CPEB3: variants seen among roughly 807,000 people sequenced by gnomAD.
CPEB3 encodes cytoplasmic polyadenylation element-binding protein 3.
A neutral mutation model predicts 67.2 loss-of-function variants in CPEB3; 20 were observed. The observed-to-expected ratio is 0.30, with a 90% CI of 0.21 to 0.43. CPEB3 has a LOEUF of 0.43. CPEB3 is among the 20% of genes least tolerant of loss of function. CPEB3 has a pLI of 1.00. For synonymous variants in CPEB3, 376 were observed against 393.1 expected (o/e 0.96, Z 0.51); for missense variants, 746 against 968.6 (o/e 0.77, Z 3.05).
intron 5 of CPEB3, 49 bp downstream of exon 5, chr10:92,144,896 A>G: frequency 6.4e-7 from 1 of 1,571,838 alleles, no homozygotes; most frequent in Non-Finnish European, 8.7e-7. Flanking sequence ...GTCAGAACAC[A>G]CAAATAACAA....
chr10:92,256,990 T>C (rs1852543822), intron 1 of CPEB3, among the ~76,000 whole-genome samples: 1 of 152,228 alleles, frequency 6.6e-6, no homozygotes, highest in Non-Finnish European at 1.5e-5. Context: ...AAAGAACAGA[T>C]ACCTTTTATC....
intron 7 of CPEB3, among the ~76,000 whole-genome samples, chr10:92,099,887 C>T (rs1318887581): frequency 1.3e-5 from 2 of 151,098 alleles, no homozygotes; most frequent in Non-Finnish European, 2.9e-5. Context: ...TCTGGCCAGG[C>T]ATGGTGGCTC....
At chr10:92,075,025 C>A (rs1219698757) in intron 9 of CPEB3, among the ~76,000 whole-genome samples, 1 of 152,134 alleles carries the variant, frequency 6.6e-6, no homozygotes, top group Non-Finnish European at 1.5e-5. Flanking sequence ...CATTCAGACT[C>A]CTGAGCAAAA....
intron 9 of CPEB3, among the ~76,000 whole-genome samples, chr10:92,070,654 G>A (rs1278626216): frequency 2.0e-5 from 3 of 152,016 alleles, no homozygotes; most frequent in African/African-American, 7.3e-5. Context: ...GTGGGTGCCT[G>A]TAATCCCAGC....
At chr10:92,095,629 A>G (rs1422590835) in intron 7 of CPEB3, among the ~76,000 whole-genome samples, 1 of 141,236 alleles carries the variant, frequency 7.1e-6, no homozygotes, top group Non-Finnish European at 1.5e-5. Context: ...GTATATATAT[A>G]TTGCGTATAT....
intron 1 of CPEB3, among the ~76,000 whole-genome samples, chr10:92,265,903 A>G (rs1324608849): frequency 6.6e-6 from 1 of 151,610 alleles, no homozygotes; most frequent in Non-Finnish European, 1.5e-5. Flanking sequence ...TGGAGCCTTG[A>G]GGAGGTAACT....
chr10:92,246,057 C>G (rs1378824071), intron 1 of CPEB3, among the ~76,000 whole-genome samples: 1 of 147,406 alleles, frequency 6.8e-6, no homozygotes, highest in South Asian at 2.2e-4. Flanking sequence ...TAAAATAGGC[C>G]AGGCGCGGTG....
At chr10:92,236,151 C>T (rs544389812) in intron 2 of CPEB3, among the ~76,000 whole-genome samples, 1 of 152,240 alleles carries the variant, frequency 6.6e-6, no homozygotes, top group South Asian at 2.1e-4. Context: ...ATGCATTAGC[C>T]TAATAGAAAA....
chr10:92,235,819 T>TA (rs1851503700), intron 2 of CPEB3, among the ~76,000 whole-genome samples: 3 of 152,228 alleles, frequency 2.0e-5, no homozygotes, highest in African/African-American at 7.2e-5. Flanking sequence ...TTATCCTCTG[T>TA]AAAATGAGCA....
intron 1 of CPEB3, among the ~76,000 whole-genome samples, chr10:92,282,432 G>C (rs1029281967): frequency 6.6e-6 from 1 of 152,208 alleles, no homozygotes; most frequent in African/African-American, 2.4e-5. Context: ...GCTCACGCCT[G>C]TAATCCCAGC....
chr10:92,157,581 G>A (rs1847265675), intron 4 of CPEB3, among the ~76,000 whole-genome samples: 1 of 152,072 alleles, frequency 6.6e-6, no homozygotes, highest in Non-Finnish European at 1.5e-5. Context: ...GCAAGTGAGA[G>A]GCTCTGAAAC....
At chr10:92,138,318 C>A in intron 6 of CPEB3, 1 of 217,182 alleles carries the variant, frequency 4.6e-6, no homozygotes, top group Non-Finnish European at 9.8e-6. Context: ...AAACTGAGAC[C>A]TTATACAACA....
chr10:92,078,084 A>G (rs892276967), intron 9 of CPEB3, among the ~76,000 whole-genome samples: 5 of 152,082 alleles, frequency 3.3e-5, no homozygotes, highest in Non-Finnish European at 7.4e-5. Flanking sequence ...TTCTTGAATA[A>G]TCTCTCTTCC....
At chr10:92,094,606 A>T (rs1843772491) in intron 7 of CPEB3, among the ~76,000 whole-genome samples, 1 of 152,070 alleles carries the variant, frequency 6.6e-6, no homozygotes, top group Non-Finnish European at 1.5e-5. Context: ...CCTTTCAAAA[A>T]AAAAAAAAAT....
chr10:92,180,992 G>A lies in CPEB3; in HGVS notation c.1193C>T (p.Pro398Leu). The A allele has an allele frequency of 6.6e-7, 1 of 1,519,562 alleles. No individual in the cohort carries two copies. Among genetic ancestry groups the A allele is most frequent in the African/African-American group, 1.4e-5 (1 of 72,928 alleles). 94.1% of individuals were successfully genotyped at this position (1,519,562 alleles called of 1,614,324 possible). A position where few individuals can be genotyped will look rare whatever the true frequency, so the allele number is the denominator to read the frequency against. Residue 398 changes from proline (P) to leucine (L), a missense_variant, in exon 4 of 10, where the codon CCA (proline) becomes CTA (leucine). This residue lies in a region of CPEB3 where 643 missense variants were observed against 717.5 expected (regional missense o/e 0.90). Coordinates refer to ENST00000265997, the MANE Select transcript of CPEB3 (RefSeq NM_014912.5). Reference protein sequence around the residue: ...AGRMGINFHHPGTDNIMALNN... With the variant: ...AGRMGINFHHLGTDNIMALNN... ...AAGTGCCATAATATTATCTGTTCCT[G>A]GATGATGGAAATTTATCCCCATGCG...
At chr10:92,136,610 G>A (rs551026191) in intron 6 of CPEB3, among the ~76,000 whole-genome samples, 1 of 152,096 alleles carries the variant, frequency 6.6e-6, no homozygotes, top group Non-Finnish European at 1.5e-5. Flanking sequence ...ACCCAGGCTG[G>A]AGTGCAGTGG....
chr10:92,167,536 G>A (rs1847801396), intron 4 of CPEB3, among the ~76,000 whole-genome samples: 1 of 152,160 alleles, frequency 6.6e-6, no homozygotes, highest in Admixed American at 6.5e-5. Flanking sequence ...AGCTGGTGGA[G>A]CAGACAGAAC....
chr10:92,226,899 A>G lies in CPEB3; in HGVS notation c.1005+12447T>C, dbSNP rs372668724. Among the ~76,000 whole-genome samples, 86 of 151,614 alleles carry G rather than the reference A, an allele frequency of 5.7e-4. No individual in the cohort carries two copies. The East Asian group carries it at 0.014, about 25-fold the overall frequency. On this transcript the variant is annotated intron_variant, in intron 2 of 9. Transcript: ENST00000265997. The stretch of plus-strand genomic sequence containing the variant: ...GGGATGGAGGGAACAGGGAGGGGGG[A>G]GCGAACCCAGATGTCCGCCCCCTCC...
intron 4 of CPEB3, among the ~76,000 whole-genome samples, chr10:92,152,396 G>A (rs1319663875): frequency 6.6e-6 from 1 of 152,178 alleles, no homozygotes; most frequent in African/African-American, 2.4e-5. Flanking sequence ...ACAAATACGT[G>A]ACTCTTGAGA....
Sources: gnomAD v4.1 joint callset for allele counts (sites outside exome capture counted in the v4.1 genomes callset) on GRCh38, gnomAD v4.1.1 for gene constraint, gnomAD v4.1.1 regional missense constraint, MANE v1.5 for transcripts, NCBI Gene and HGNC (gene_info 2026-07-23, HGNC 2026-07-21) for gene names.